Variants in TIPIN observed in about 807,000 individuals in gnomAD.
TIPIN encodes the protein TIMELESS interacting protein, also known as TIMELESS-interacting protein.
TIPIN carries 29 observed loss-of-function variants against 35.6 expected under a neutral mutation model. That is an observed-to-expected ratio of 0.82 (90% CI 0.61 to 1.11). TIPIN has a LOEUF of 1.11. Among genes scored for constraint, TIPIN ranks in the 50% most tolerant of loss-of-function variants. The pLI, the probability that TIPIN is intolerant of heterozygous loss-of-function variation, is 0.00. For missense variants in TIPIN, 296 were observed against 345.4 expected (o/e 0.86, Z 1.13); for synonymous variants, 102 against 121.5 (o/e 0.84, Z 1.06).
At chr15:66,361,671 T>C (rs2093231891), upstream of TIPIN, among the ~76,000 whole-genome samples, 1 of 152,024 alleles carries the variant, frequency 6.6e-6, no homozygotes, top group Admixed American at 6.6e-5. Context: ...ATATAAAATA[T>C]AGTTTTCCTA....
intron 6 of TIPIN, among the ~76,000 whole-genome samples, chr15:66,345,092 G>T (rs928823006): frequency 6.6e-6 from 1 of 152,072 alleles, no homozygotes; most frequent in Non-Finnish European, 1.5e-5. Flanking sequence ...ACAGCATAGG[G>T]GAGTCAGAAA....
intron 1 of TIPIN, among the ~76,000 whole-genome samples, chr15:66,374,800 T>C (rs2093290415): frequency 6.6e-6 from 1 of 152,182 alleles, no homozygotes; most frequent in African/African-American, 2.4e-5. Flanking sequence ...CAGGCTGGTT[T>C]CCAACTCCTG....
At chr15:66,374,492 C>T (rs2093288935) in intron 1 of TIPIN, among the ~76,000 whole-genome samples, 1 of 152,096 alleles carries the variant, frequency 6.6e-6, no homozygotes. Flanking sequence ...TCACTGCAAC[C>T]TCTGCTTCCC....
chr15:66,371,540 G>C (rs2093277716), intron 1 of TIPIN: 1 of 284,814 alleles, frequency 3.5e-6, no homozygotes, highest in African/African-American at 2.3e-5. Flanking sequence ...TGGAGATGGA[G>C]TCTCACTCTG....
At chr15:66,349,257 C>A in intron 5 of TIPIN, 58 bp downstream of exon 5, 1 of 1,605,704 alleles carries the variant, frequency 6.2e-7, no homozygotes. Flanking sequence ...TTAGCCTCAA[C>A]TAAATCTACC....
chr15:66,358,612 C>T (rs116337442), upstream of TIPIN, among the ~76,000 whole-genome samples: 323 of 152,220 alleles, frequency 2.1e-3, 1 homozygote, highest in African/African-American at 7.3e-3. Flanking sequence ...ATGGGAGTTT[C>T]GCCATGTTGC....
At position 66,336,242 on chromosome 15, in the gene TIPIN, G is replaced by A. The variant is rs2093044334; in HGVS notation, c.*716C>T. ...TTTAAAAAATTGACATTAATATTCA[G>A]TATATATGTACATCTCAAAACTTCA... On this transcript the variant is annotated 3_prime_UTR_variant, in exon 8 of 8. Transcript: ENST00000261881. The A allele has an allele frequency of 6.6e-6, 1 of 152,278 alleles. No individual in the cohort carries two copies. The highest frequency in any genetic ancestry group is 1.5e-5 in the Non-Finnish European group (1 of 68,088). 9.4% of individuals were successfully genotyped at this position (152,278 alleles called of 1,614,324 possible).
At chr15:66,356,784 C>A (rs1221596278), upstream of TIPIN, 5 of 973,564 alleles carry the variant, frequency 5.1e-6, no homozygotes, top group South Asian at 1.9e-4. Context: ...GCCTGCAAAA[C>A]CCGCCTCTCA....
chr15:66,371,663 G>A (rs1049873890), intron 1 of TIPIN, among the ~76,000 whole-genome samples: 2 of 151,976 alleles, frequency 1.3e-5, no homozygotes, highest in Non-Finnish European at 1.5e-5. Context: ...ACAGGCACCC[G>A]CCACCATGCC....
chr15:66,357,512 GA>G (rs1419814136), upstream of TIPIN, among the ~76,000 whole-genome samples: 1 of 134,754 alleles, frequency 7.4e-6, no homozygotes, highest in Non-Finnish European at 1.5e-5. Context: ...CTTGAGCCCA[GA>G]AGTTGAAGGC....
chr15:66,352,026 T>C, intron 3 of TIPIN, 103 bp downstream of exon 3: 2 of 949,106 alleles, frequency 2.1e-6, no homozygotes, highest in South Asian at 1.7e-5. Context: ...TTTAGAAATA[T>C]AAGAGCTCCA....
At chr15:66,363,969 C>T (rs373559874) in intron 1 of TIPIN, among the ~76,000 whole-genome samples, 10 of 151,050 alleles carry the variant, frequency 6.6e-5, no homozygotes, top group Admixed American at 2.0e-4. Flanking sequence ...GGCAACAGAG[C>T]GAGACTCTTT....
intron 1 of TIPIN, chr15:66,382,306 A>G: frequency 1.0e-6 from 1 of 980,040 alleles, no homozygotes; most frequent in Non-Finnish European, 1.2e-6. Context: ...TTCTCTCTCA[A>G]GTTGATGCTT....
chr15:66,367,411 T>C (rs1413693855), intron 1 of TIPIN, among the ~76,000 whole-genome samples: 5 of 151,850 alleles, frequency 3.3e-5, no homozygotes, highest in African/African-American at 1.2e-4. Context: ...CTTTTTTTTT[T>C]TGAGATGGAG....
chr15:66,375,319 C>A (rs1040109326), intron 1 of TIPIN, among the ~76,000 whole-genome samples: 16 of 151,580 alleles, frequency 1.1e-4, no homozygotes, highest in Non-Finnish European at 2.2e-4. Flanking sequence ...CAAATGTCTT[C>A]TTTCTTTTTC....
intron 6 of TIPIN, among the ~76,000 whole-genome samples, chr15:66,344,292 C>G (rs899611203): frequency 7.9e-5 from 12 of 151,928 alleles, no homozygotes; most frequent in Non-Finnish European, 1.6e-4. Context: ...ACTCAAAGAA[C>G]TAATTTTGAC....
chr15:66,355,701 A>T (rs561019261), intron 1 of TIPIN, among the ~76,000 whole-genome samples: 10 of 152,132 alleles, frequency 6.6e-5, no homozygotes, highest in African/African-American at 2.4e-4. Flanking sequence ...CAGTGAGCCG[A>T]GACCGCGCCA....
Position 66,356,673 on chromosome 15 carries a change from C to A in TIPIN, c.-43G>T. 1.0e-6 allele frequency: 1 copy of A among 985,670 alleles called. No homozygotes were observed. The highest frequency in any genetic ancestry group is 1.2e-6 in the Non-Finnish European group (1 of 830,124). The allele number at this position is 985,670 out of a possible 1,614,324, so 61.1% of individuals were successfully genotyped here. ...AAAACACGGGACACAGCGCGGACCT[C>A]GGCGTGCAGACTAAGCGCGCTTCTC... is the stretch of plus-strand genomic sequence containing the variant. On this transcript the variant is annotated 5_prime_UTR_variant, in exon 1 of 8. Coordinates refer to ENST00000261881, the MANE Select transcript of TIPIN (RefSeq NM_017858.3).
intron 4 of TIPIN, among the ~76,000 whole-genome samples, chr15:66,351,026 C>CA (rs1216000131): frequency 7.3e-5 from 11 of 151,042 alleles, no homozygotes; most frequent in Non-Finnish European, 1.6e-4. Flanking sequence ...CTATCATCTG[C>CA]AAAAAATTAT....
Sources: allele counts gnomAD v4.1 joint callset (sites outside exome capture counted in the v4.1 genomes callset), GRCh38; gene constraint gnomAD v4.1.1; transcripts MANE v1.5; gene names NCBI Gene and HGNC (gene_info 2026-07-23, HGNC 2026-07-21).